The following DESI2 variants were observed in gnomAD, a reference collection of about 807,000 sequenced individuals.
DESI2 encodes deubiquitinase DESI2.
Under a neutral mutation model 24.1 loss-of-function variants are expected in DESI2, and 10 were observed. The observed-to-expected ratio is 0.41, with a 90% CI of 0.26 to 0.70. The LOEUF is 0.70. DESI2 is among the 30% of genes least tolerant of loss of function. DESI2 has a pLI of 0.29. For synonymous variants in DESI2, 71 were observed against 87.7 expected, an observed-to-expected ratio of 0.81 and a Z score of 1.06; for missense variants, 122 against 234.9, an observed-to-expected ratio of 0.52 and a Z score of 3.14.
chr1:244,659,032 C>CT (rs10553169), intron 1 of DESI2, among the ~76,000 whole-genome samples: 13 of 147,282 alleles, frequency 8.8e-5, no homozygotes, highest in East Asian at 2.0e-4. Flanking sequence ...GGTCATCCAT[C>CT]TTTTTTTTTT....
intron 2 of DESI2, among the ~76,000 whole-genome samples, chr1:244,688,561 G>A (rs1213913441): frequency 1.3e-5 from 2 of 152,156 alleles, no homozygotes; most frequent in African/African-American, 4.8e-5. Flanking sequence ...TGAAATAACA[G>A]AAAATTACAG....
In DESI2 at chr1:244,705,874, A is replaced by AT; in HGVS notation, c.*89dup. 2.1e-6 allele frequency: 2 copies of AT among 956,400 alleles called. No individual in the cohort carries two copies. Among genetic ancestry groups the AT allele is most frequent in the East Asian group, 5.3e-5 (2 of 37,840 alleles). 59.2% of individuals were successfully genotyped at this position (956,400 alleles called of 1,614,324 possible). Reference sequence around the variant, plus strand: ...GTAAACAGAGAAGCATCCTTTAGATATTTTGTATGCAAAGATGGCTCTCCC... The same window carrying AT: ...GTAAACAGAGAAGCATCCTTTAGATATTTTTGTATGCAAAGATGGCTCTCCC... On this transcript the variant is annotated 3_prime_UTR_variant, in exon 5 of 5. Coordinates refer to ENST00000302550, the MANE Select transcript of DESI2 (RefSeq NM_016076.5).
At chr1:244,690,122 A>T (rs895412487) in intron 3 of DESI2, among the ~76,000 whole-genome samples, 8 of 152,188 alleles carry the variant, frequency 5.3e-5, no homozygotes, top group Admixed American at 4.6e-4. Context: ...CACAACGTGC[A>T]GGTTTGTTAC....
chr1:244,689,450 G>A lies in DESI2; in HGVS notation c.209+108G>A. ...AAAACAAACCCAAGAAGTTAAAAATGTCTCTTTGTTTTAATTGCTGACATT... is the reference window on the plus strand; with the variant it reads ...AAAACAAACCCAAGAAGTTAAAAATATCTCTTTGTTTTAATTGCTGACATT... On this transcript the variant is annotated intron_variant, in intron 3 of 4. Coordinates refer to ENST00000302550, the MANE Select transcript of DESI2 (RefSeq NM_016076.5). This position sits in a 1 kb window ranked among gnomAD's most constrained non-coding sequence, Gnocchi z 4.0. 1.7e-6 allele frequency: 1 copy of A among 594,428 alleles called. No homozygotes were observed. Among genetic ancestry groups the A allele is most frequent in the African/African-American group, 1.9e-5 (1 of 52,150 alleles). The allele number at this position is 594,428 out of a possible 1,614,324, so 36.8% of individuals were successfully genotyped here.
At chr1:244,701,222 CCCCCCCCCCCCCG>C (rs1558669809) in intron 4 of DESI2, among the ~76,000 whole-genome samples, 4 of 76,690 alleles carry the variant, frequency 5.2e-5, no homozygotes, top group African/African-American at 2.8e-4. Flanking sequence ...TCCACCCCCC[CCCCCCCCCCCCCG>C]CCCTTTTAAC....
At chr1:244,692,106 TCA>T in intron 4 of DESI2, 86 bp downstream of exon 4, 1 of 1,189,324 alleles carries the variant, frequency 8.4e-7, no homozygotes, top group South Asian at 1.4e-5. Context: ...CGATCTTGAT[TCA>T]CTTCTTTTCC....
At chr1:244,698,214 G>A (rs941595381) in intron 4 of DESI2, among the ~76,000 whole-genome samples, 6 of 152,220 alleles carry the variant, frequency 3.9e-5, no homozygotes, top group Non-Finnish European at 7.3e-5. Flanking sequence ...TTAGTGGGAC[G>A]CAGCTTCCTT....
At chr1:244,658,695 A>G (rs950430399) in intron 1 of DESI2, among the ~76,000 whole-genome samples, 1 of 152,096 alleles carries the variant, frequency 6.6e-6, no homozygotes, top group Admixed American at 6.5e-5. Context: ...AGATCATGTG[A>G]TCTTCCTCTT....
rs957515603 is a variant in DESI2, at chr1:244,694,595, G to C, written c.351+2575G>C. The C allele has an allele frequency of 3.5e-6, 3 of 845,958 alleles. No individual in the cohort carries two copies. The African/African-American group carries it at 5.0e-5, about 14-fold the overall frequency. 52.4% of individuals were successfully genotyped at this position (845,958 alleles called of 1,614,324 possible). ...TGGCACTGCCGTTATACTTTCTCTT[G>C]CGCTTGGCGGGGTAGCCACATTTGC... On this transcript the variant is annotated intron_variant, in intron 4 of 4. Transcript: ENST00000302550.
In DESI2 at chr1:244,705,842, G is replaced by A; in HGVS notation, c.*53G>A. On this transcript the variant is annotated 3_prime_UTR_variant, in exon 5 of 5. Coordinates refer to ENST00000302550, the MANE Select transcript of DESI2 (RefSeq NM_016076.5). ...TGTCTCTGGCAGTCGAATATCACTA[G>A]AGAAAAGTAAACAGAGAAGCATCCT... 7.6e-7 allele frequency: 1 copy of A among 1,311,796 alleles called. No individual in the cohort carries two copies. Among genetic ancestry groups the A allele is most frequent in the South Asian group, 1.2e-5 (1 of 80,354 alleles). The allele number at this position is 1,311,796 out of a possible 1,614,324, so 81.3% of individuals were successfully genotyped here.
chr1:244,674,273 G>T (rs1039655214), intron 1 of DESI2, among the ~76,000 whole-genome samples: 1 of 151,508 alleles, frequency 6.6e-6, no homozygotes, highest in South Asian at 2.1e-4. Flanking sequence ...GGCTACAGGC[G>T]TGAGCTACTG....
intron 1 of DESI2, among the ~76,000 whole-genome samples, chr1:244,667,269 C>A (rs1451604665): frequency 6.6e-6 from 1 of 152,130 alleles, no homozygotes; most frequent in Non-Finnish European, 1.5e-5. Context: ...AGCAAGCTAG[C>A]TACTTCCTAG....
intron 3 of DESI2, among the ~76,000 whole-genome samples, chr1:244,690,849 A>G (rs1433192582): frequency 6.6e-6 from 1 of 152,210 alleles, no homozygotes; most frequent in Non-Finnish European, 1.5e-5. Context: ...AGAGCTACAC[A>G]TTAAGCCCTC....
chr1:244,667,006 C>G (rs781620070), intron 1 of DESI2, among the ~76,000 whole-genome samples: 1 of 152,142 alleles, frequency 6.6e-6, no homozygotes, highest in Non-Finnish European at 1.5e-5. Context: ...TTACCTCCCC[C>G]TGGGTCCCTC....
At chr1:244,688,871 A>G (rs1284108701) in intron 2 of DESI2, among the ~76,000 whole-genome samples, 2 of 152,236 alleles carry the variant, frequency 1.3e-5, no homozygotes, top group East Asian at 3.8e-4. Flanking sequence ...CCAGTAAGAT[A>G]TGTGTTTGAA....
At chr1:244,660,171 TTG>T (rs1675791466) in intron 1 of DESI2, among the ~76,000 whole-genome samples, 1 of 149,590 alleles carries the variant, frequency 6.7e-6, no homozygotes, top group Admixed American at 6.6e-5. Context: ...TGTTGTTGTT[TTG>T]TTGTTGTTGT....
intron 1 of DESI2, among the ~76,000 whole-genome samples, chr1:244,683,106 C>A (rs1676675564): frequency 6.6e-6 from 1 of 152,114 alleles, no homozygotes; most frequent in Non-Finnish European, 1.5e-5. Context: ...ACCAACCTAA[C>A]ACATTTCCTA....
intron 1 of DESI2, among the ~76,000 whole-genome samples, chr1:244,680,991 G>T (rs1676594074): frequency 2.1e-5 from 3 of 144,838 alleles, no homozygotes; most frequent in African/African-American, 5.1e-5. Flanking sequence ...CTCTGAGATA[G>T]TCTTTTTATT....
intron 4 of DESI2, among the ~76,000 whole-genome samples, chr1:244,696,801 C>A (rs1677232283): frequency 6.6e-6 from 1 of 152,202 alleles, no homozygotes; most frequent in Admixed American, 6.5e-5. Context: ...AGAAGAGTGG[C>A]TCCCTTTGCC....
Sources: gnomAD v4.1 joint callset for allele counts (sites outside exome capture counted in the v4.1 genomes callset) on GRCh38, gnomAD v4.1.1 for gene constraint, Gnocchi (gnomAD v3.1) non-coding constraint, MANE v1.5 for transcripts, NCBI Gene and HGNC (gene_info 2026-07-23, HGNC 2026-07-21) for gene names.